WDR6: variants seen among roughly 807,000 people sequenced by gnomAD.
WDR6 encodes the protein tRNA (34-2'-O)-methyltransferase regulator WDR6.
In WDR6, 58 loss-of-function variants were observed where a neutral mutation model predicts 85.6. That is an observed-to-expected ratio of 0.68 (90% CI 0.55 to 0.84). WDR6 has a LOEUF of 0.84. WDR6 is among the 40% of genes least tolerant of loss of function. WDR6 has a pLI of 0.00. For missense variants in WDR6, 1,310 were observed against 1,476.4 expected, an observed-to-expected ratio of 0.89 and a Z score of 1.85; for synonymous variants, 569 against 582.2, an observed-to-expected ratio of 0.98 and a Z score of 0.33.
chr3:49,015,362 G>A lies in WDR6; in HGVS notation c.*74G>A, dbSNP rs1286346716. The A allele has an allele frequency of 1.1e-5, 17 of 1,532,286 alleles. No individual in the cohort carries two copies. Among genetic ancestry groups the A allele is most frequent in the South Asian group, 3.6e-5 (3 of 83,598 alleles). 94.9% of individuals were successfully genotyped at this position (1,532,286 alleles called of 1,614,324 possible). A position where few individuals can be genotyped will look rare whatever the true frequency, so the allele number is the denominator to read the frequency against. On this transcript the variant is annotated 3_prime_UTR_variant, in exon 6 of 6. Transcript: ENST00000608424. Reference sequence around the variant, plus strand: ...AGCATGGAGCAGGGATGGGCTGTCTGTGCCCATGCTCAGCATGCCTTGAGG... The same window carrying A: ...AGCATGGAGCAGGGATGGGCTGTCTATGCCCATGCTCAGCATGCCTTGAGG...
Position 49,007,668 on chromosome 3 carries a change from G to A in WDR6, c.100+137G>A. On this transcript the variant is annotated intron_variant, in intron 1 of 5. Transcript: ENST00000608424. The surrounding 1 kb of genome is among the most constrained non-coding windows in gnomAD (Gnocchi z 5.1). ...GTTGAGGCCGATCGGAGGTGGGAAG[G>A]GAGCCCCGGAGATGGCGGGGACGAG... 7.4e-7 allele frequency: 1 copy of A among 1,345,348 alleles called. No homozygotes were observed. The highest frequency in any genetic ancestry group is 9.6e-7 in the Non-Finnish European group (1 of 1,043,856). The allele number at this position is 1,345,348 out of a possible 1,614,324, so 83.3% of individuals were successfully genotyped here.
At position 49,012,700 on chromosome 3, in the gene WDR6, A is replaced by G. The variant is rs201449510; in HGVS notation, c.1166A>G (p.His389Arg). 1 of 1,613,822 alleles carries G rather than the reference A, an allele frequency of 6.2e-7. No homozygotes were observed. The highest frequency in any genetic ancestry group is 1.7e-5 in the Admixed American group (1 of 60,004). ...TGGGAGCAGCTGCTAGAGGATAAAC[A>G]TTTCCAGTCCTACTGCCTGCTGGAG... Reference protein sequence around the residue: ...KCWEQLLEDKHFQSYCLLEAA... With the variant: ...KCWEQLLEDKRFQSYCLLEAA... The change falls in exon 2 of 6, where the codon CAT becomes CGT. Residue 389 changes from histidine to arginine, a missense_variant. By Grantham distance (29) the His-to-Arg change is conservative. Transcript: ENST00000608424. This position sits in a 1 kb window ranked among gnomAD's most constrained non-coding sequence, Gnocchi z 4.4.
chr3:49,015,603 T>A lies in WDR6; in HGVS notation c.*315T>A. On this transcript the variant is annotated 3_prime_UTR_variant, in exon 6 of 6. Coordinates refer to ENST00000608424, the MANE Select transcript of WDR6 (RefSeq NM_018031.6). The stretch of plus-strand genomic sequence containing the variant: ...CTCTGTGGCCTTAAATGTGGCTCAG[T>A]GGAGGGAGACCCAGCATAGCCAGGC... 1.2e-6 allele frequency: 2 copies of A among 1,614,118 alleles called. No homozygotes were observed. The highest frequency in any genetic ancestry group is 2.2e-5 in the South Asian group (2 of 91,086).
chr3:49,013,187 G>T lies in WDR6; in HGVS notation c.1653G>T (p.Gly551=). ...TGGGTAGTGGTAGTAGTGGGGGTGG[G>T]AATGCTTTCACTGGGTTGGGCCCAG... The part of the protein sequence containing the change: ...PVVGSGSSGG[G]NAFTGLGPVS... The change falls in exon 2 of 6, where the codon GGG becomes GGT. Residue 551 remains glycine (G), a synonymous_variant. Coordinates refer to ENST00000608424, the MANE Select transcript of WDR6 (RefSeq NM_018031.6). The surrounding 1 kb of genome is among the most constrained non-coding windows in gnomAD (Gnocchi z 4.6). 6.2e-7 allele frequency: 1 copy of T among 1,612,902 alleles called. No individual in the cohort carries two copies.
chr3:49,012,433 G>A lies in WDR6; in HGVS notation c.899G>A (p.Gly300Glu). 1 of 1,614,176 alleles carries A rather than the reference G, an allele frequency of 6.2e-7. No individual in the cohort carries two copies. Among genetic ancestry groups the A allele is most frequent in the Non-Finnish European group, 8.5e-7 (1 of 1,180,028 alleles). ...LQAFRGHQGR[G>E]IRAIAAHERQ... ...GCCTTTCGGGGACACCAGGGACGTG[G>A]GATCCGGGCCATAGCTGCCCATGAG... is the stretch of plus-strand genomic sequence containing the variant. The change falls in exon 2 of 6, where the codon GGG (glycine) becomes GAG (glutamate). Residue 300 changes from glycine (G) to glutamate (E), a missense_variant. Gly to Glu is a moderately conservative substitution (Grantham distance 98, BLOSUM62 -2). Transcript: ENST00000608424. The surrounding 1 kb of genome is among the most constrained non-coding windows in gnomAD (Gnocchi z 4.4).
Position 49,015,932 on chromosome 3 carries a change from AAAGAAT to A in WDR6, c.*646_*651del, listed in dbSNP as rs1294014490. 2 of 1,614,192 alleles carry A rather than the reference AAAGAAT, an allele frequency of 1.2e-6. No homozygotes were observed. Among genetic ancestry groups the A allele is most frequent in the Non-Finnish European group, 1.7e-6 (2 of 1,180,050 alleles). ...TTGCTCTTGTGCCCCAGGCCAGAAT[AAAGAAT>A]AGAGTGTAGAGTGTCCTGGTTGTCT... On this transcript the variant is annotated 3_prime_UTR_variant, in exon 6 of 6. Coordinates refer to ENST00000608424, the MANE Select transcript of WDR6 (RefSeq NM_018031.6).
rs1341026993 is a variant in WDR6, at chr3:49,007,634, G to C, written c.100+103G>C. On this transcript the variant is annotated intron_variant, in intron 1 of 5. Coordinates refer to ENST00000608424, the MANE Select transcript of WDR6 (RefSeq NM_018031.6). This position sits in a 1 kb window ranked among gnomAD's most constrained non-coding sequence, Gnocchi z 5.1. ...AAAGGGGTGCCCTGAGGAGAAGGAC[G>C]GGCAGCAGGTTGAGGCCGATCGGAG... The C allele has an allele frequency of 2.1e-6, 3 of 1,408,634 alleles. No individual in the cohort carries two copies. The highest frequency in any genetic ancestry group is 1.6e-5 in the South Asian group (1 of 63,128). 87.3% of individuals were successfully genotyped at this position (1,408,634 alleles called of 1,614,324 possible).
rs746879171 is a variant in WDR6, at chr3:49,007,393, C to G, written c.-39C>G. 16 of 1,590,750 alleles carry G rather than the reference C, an allele frequency of 1.0e-5. No individual in the cohort carries two copies. The Admixed American group carries it at 2.6e-4, about 25-fold the overall frequency. On this transcript the variant is annotated 5_prime_UTR_variant, in exon 1 of 6. Coordinates refer to ENST00000608424, the MANE Select transcript of WDR6 (RefSeq NM_018031.6). The surrounding 1 kb of genome is among the most constrained non-coding windows in gnomAD (Gnocchi z 5.1). The stretch of plus-strand genomic sequence containing the variant: ...CTCGTTCTCGCGAGAGTTCAGCTCC[C>G]TTCTTAGCCGTGGCTGCCTCAGCAC...
rs1479737197 is a variant in WDR6 at position 49,013,666 on chromosome 3, G to A, written c.2132G>A (p.Gly711Asp). 3 of 1,614,108 alleles carry A rather than the reference G, an allele frequency of 1.9e-6. No individual in the cohort carries two copies. The highest frequency in any genetic ancestry group is 1.1e-5 in the South Asian group (1 of 91,084). The change falls in exon 2 of 6, where the codon GGC becomes GAC. Residue 711 changes from glycine to aspartate, a missense_variant. Transcript: ENST00000608424. The surrounding 1 kb of genome is among the most constrained non-coding windows in gnomAD (Gnocchi z 4.6). ...GREITCVKRV[G>D]TITLGPEYGV... is the part of the protein sequence containing the mutation. Reference sequence around the variant, plus strand: ...GAGATCACTTGTGTAAAGCGTGTGGGCACCATTACCCTGGGGCCTGAATAT... The same window carrying A: ...GAGATCACTTGTGTAAAGCGTGTGGACACCATTACCCTGGGGCCTGAATAT...
Position 49,015,221 on chromosome 3 carries a change from G to A in WDR6, c.3299G>A (p.Ser1100Asn). ...DVADMDCWPVSPEFGHRCALG... is the reference protein window; with the variant it reads ...DVADMDCWPVNPEFGHRCALG... Reference sequence around the variant, plus strand: ...GCTGACATGGACTGCTGGCCTGTGAGCCCTGAGTTTGGCCACCGTTGTGCC... The same window carrying A: ...GCTGACATGGACTGCTGGCCTGTGAACCCTGAGTTTGGCCACCGTTGTGCC... Residue 1100 changes from serine (S) to asparagine (N), a missense_variant, in exon 6 of 6, where the codon AGC becomes AAC. Transcript: ENST00000608424. The A allele has an allele frequency of 1.9e-6, 3 of 1,613,660 alleles. No homozygotes were observed. Among genetic ancestry groups the A allele is most frequent in the African/African-American group, 1.3e-5 (1 of 75,050 alleles).
Position 49,012,309 on chromosome 3 carries a change from G to A in WDR6, c.775G>A (p.Ala259Thr), listed in dbSNP as rs756833479. ...TATTGGGCACTGCTTTGGGCACAGC[G>A]CCCGTGTGTGGCAGGTCAAGCTTCT... ...QNIGHCFGHS[A>T]RVWQVKLLEN... The change falls in exon 2 of 6, where the codon GCC becomes ACC. Residue 259 changes from alanine to threonine, a missense_variant. By Grantham distance (58) the Ala-to-Thr change is moderately conservative (BLOSUM62 0). Transcript: ENST00000608424. This position sits in a 1 kb window ranked among gnomAD's most constrained non-coding sequence, Gnocchi z 4.4. The A allele has an allele frequency of 4.2e-5, 67 of 1,614,106 alleles. No individual in the cohort carries two copies. The highest frequency in any genetic ancestry group is 1.6e-4 in the Middle Eastern group (1 of 6,084).
intron 1 of WDR6, chr3:49,011,113 T>C: frequency 6.7e-6 from 3 of 447,158 alleles, no homozygotes; most frequent in Non-Finnish European, 1.3e-5. Context: ...TTTTTTTTTT[T>C]TGAGTCTTTC....
In WDR6 at chr3:49,013,785, A is replaced by G. The variant is rs2093031792; in HGVS notation, c.2251A>G (p.Thr751Ala). The G allele has an allele frequency of 2.5e-6, 4 of 1,614,074 alleles. No homozygotes were observed. Among genetic ancestry groups the G allele is most frequent in the Non-Finnish European group, 3.4e-6 (4 of 1,179,994 alleles). The change falls in exon 2 of 6, where the codon ACT becomes GCT. Residue 751 changes from threonine to alanine, a missense_variant. Thr to Ala is a moderately conservative substitution (Grantham distance 58, BLOSUM62 0). Transcript: ENST00000608424. The surrounding 1 kb of genome is among the most constrained non-coding windows in gnomAD (Gnocchi z 4.6). ...TGTGATCACATGTAGTGAGGACACT[A>G]CTGTCTGTGTCCTAGCACTCCCTAC... ...DIVITCSEDT[T>A]VCVLALPTTT...
rs764317219 is a variant in WDR6 at position 49,013,088 on chromosome 3, C to T, written c.1554C>T (p.Phe518=). The part of the protein sequence containing the change: ...CGDRRGSVLL[F]PSRPGLLKDP... ...ACCGCCGGGGCTCTGTGCTGCTATTCCCCTCCAGACCAGGTCTGCTCAAGG... is the reference window on the plus strand; with the variant it reads ...ACCGCCGGGGCTCTGTGCTGCTATTTCCCTCCAGACCAGGTCTGCTCAAGG... Residue 518 remains phenylalanine (F), a synonymous_variant, in exon 2 of 6, where the codon TTC becomes TTT. Coordinates refer to ENST00000608424, the MANE Select transcript of WDR6 (RefSeq NM_018031.6). This position sits in a 1 kb window ranked among gnomAD's most constrained non-coding sequence, Gnocchi z 4.6. 102 of 1,610,010 alleles carry T rather than the reference C, an allele frequency of 6.3e-5. No individual in the cohort carries two copies. Among genetic ancestry groups the T allele is most frequent in the East Asian group, 1.1e-4 (5 of 44,806 alleles).
chr3:49,011,277 C>T, intron 1 of WDR6: 2 of 429,330 alleles, frequency 4.7e-6, no homozygotes, highest in Non-Finnish European at 8.3e-6. Flanking sequence ...GGGGTTTTCA[C>T]CTTGTTGGCC....
Position 49,014,338 on chromosome 3 carries a change from G to T in WDR6, c.2666+45G>T, listed in dbSNP as rs748235110. The T allele has an allele frequency of 1.2e-6, 2 of 1,614,082 alleles. No homozygotes were observed. Among genetic ancestry groups the T allele is most frequent in the East Asian group, 2.2e-5 (1 of 44,882 alleles). ...TGGGACAGGAGACAAAGGAAGTAAG[G>T]TTGTCTAGGATGCGTTCTGAGCTGG... On this transcript the variant is annotated intron_variant, in intron 3 of 5. Coordinates refer to ENST00000608424, the MANE Select transcript of WDR6 (RefSeq NM_018031.6). The surrounding 1 kb of genome is among the most constrained non-coding windows in gnomAD (Gnocchi z 4.9).
chr3:49,014,423 C>T lies in WDR6; in HGVS notation c.2707C>T (p.Leu903Phe). Reference protein sequence around the residue: ...LQDSGRILQLLAETFHHKRCV... With the variant: ...LQDSGRILQLFAETFHHKRCV... ...GGATTCTGGGCGGATTCTGCAGCTC[C>T]TTGCTGAAACCTTCCACCATAAGCG... Residue 903 changes from leucine to phenylalanine, a missense_variant, in exon 4 of 6, where the codon CTT (leucine) becomes TTT (phenylalanine). Physicochemically the swap from Leu to Phe is conservative, Grantham distance 22 (BLOSUM62 0). Coordinates refer to ENST00000608424, the MANE Select transcript of WDR6 (RefSeq NM_018031.6). This position sits in a 1 kb window ranked among gnomAD's most constrained non-coding sequence, Gnocchi z 4.9. 1 of 1,614,180 alleles carries T rather than the reference C, an allele frequency of 6.2e-7. No individual in the cohort carries two copies. Among genetic ancestry groups the T allele is most frequent in the Non-Finnish European group, 8.5e-7 (1 of 1,180,020 alleles).
Position 49,014,737 on chromosome 3 carries a change from A to C in WDR6, c.2902+19A>C. 6.2e-7 allele frequency: 1 copy of C among 1,612,580 alleles called. No homozygotes were observed. Reference sequence around the variant, plus strand: ...CCCTACCGTGAGTAGCTAATGTGCAACCATGGCTACCCCTCCTCACCTGTC... The same window carrying C: ...CCCTACCGTGAGTAGCTAATGTGCACCCATGGCTACCCCTCCTCACCTGTC... On this transcript the variant is annotated intron_variant, in intron 5 of 5. Coordinates refer to ENST00000608424, the MANE Select transcript of WDR6 (RefSeq NM_018031.6). The surrounding 1 kb of genome is among the most constrained non-coding windows in gnomAD (Gnocchi z 4.9).
chr3:49,011,476 G>A (rs748483156), intron 1 of WDR6, 159 bp from the exon 2 acceptor site: 83 of 1,595,060 alleles, frequency 5.2e-5, no homozygotes, highest in African/African-American at 1.2e-4. Context: ...CACCGCACCC[G>A]GCCGAGACCA....
Sources: gnomAD v4.1 joint callset for allele counts on GRCh38, gnomAD v4.1.1 for gene constraint, Gnocchi (gnomAD v3.1) non-coding constraint, MANE v1.5 for transcripts, NCBI Gene and HGNC (gene_info 2026-07-23, HGNC 2026-07-21) for gene names.